ZSWIM6: variants seen among roughly 807,000 people sequenced by gnomAD.
ZSWIM6 encodes the protein zinc finger SWIM domain-containing protein 6.
In ZSWIM6, 9 loss-of-function variants were observed where a neutral mutation model predicts 113.2. The observed-to-expected ratio is 0.08, with a 90% CI of 0.05 to 0.14. The LOEUF is 0.14. Among genes scored for constraint, ZSWIM6 ranks in the 10% least tolerant of loss-of-function variants. The probability of loss-of-function intolerance (pLI) is 1.00; values close to 1 mark genes in which losing one functional copy is unlikely to be tolerated. For synonymous variants in ZSWIM6, 611 were observed against 606.5 expected, an observed-to-expected ratio of 1.01 and a Z score of -0.11; for missense variants, 1,162 against 1,552.2, an observed-to-expected ratio of 0.75 and a Z score of 4.22.
chr5:61,467,530 T>C (rs1323579880), intron 1 of ZSWIM6, among the ~76,000 whole-genome samples: 2 of 152,234 alleles, frequency 1.3e-5, no homozygotes, highest in African/African-American at 4.8e-5. Context: ...AATGTCTAGA[T>C]GTAAGTATTT....
chr5:61,499,868 C>T (rs904572612), intron 4 of ZSWIM6, among the ~76,000 whole-genome samples: 3 of 152,128 alleles, frequency 2.0e-5, no homozygotes, highest in Admixed American at 6.6e-5. Context: ...TAGTTGCCAA[C>T]ATTTATTTGT....
At chr5:61,406,904 T>G (rs1579979858) in intron 1 of ZSWIM6, among the ~76,000 whole-genome samples, 1 of 152,132 alleles carries the variant, frequency 6.6e-6, no homozygotes, top group African/African-American at 2.4e-5. Flanking sequence ...GTAGAGACGG[T>G]GTTTTGCCAT....
chr5:61,535,294 T>C (rs1009608661), intron 9 of ZSWIM6, among the ~76,000 whole-genome samples, 190 bp from the exon 10 acceptor site: 1 of 152,158 alleles, frequency 6.6e-6, no homozygotes, highest in Non-Finnish European at 1.5e-5. Flanking sequence ...GTTTATGAGG[T>C]GAAATCTGTA....
At chr5:61,519,149 G>T (rs1749042502) in intron 4 of ZSWIM6, among the ~76,000 whole-genome samples, 1 of 152,148 alleles carries the variant, frequency 6.6e-6, no homozygotes. Flanking sequence ...GGTAGATTCA[G>T]ACCATAAATT....
chr5:61,399,537 T>C, intron 1 of ZSWIM6, among the ~76,000 whole-genome samples: 1 of 152,178 alleles, frequency 6.6e-6, no homozygotes, highest in East Asian at 1.9e-4. Context: ...TTCATCTTCG[T>C]GTTCCTGAGG....
chr5:61,526,345 T>G lies in ZSWIM6; in HGVS notation c.1786T>G (p.Leu596Val). The change falls in exon 7 of 14, where the codon TTA (leucine) becomes GTA (valine). Residue 596 changes from leucine to valine, a missense_variant. Transcript: ENST00000252744. Reference protein sequence around the residue: ...LRLAIAIVNTLRRQQQKQLEM... With the variant: ...LRLAIAIVNTVRRQQQKQLEM... ...ACTAGCAATAGCTATTGTTAATACA[T>G]TAAGACGACAGCAGCAGAAACAGTT... The G allele has an allele frequency of 6.4e-7, 1 of 1,552,182 alleles. No individual in the cohort carries two copies. Among genetic ancestry groups the G allele is most frequent in the Non-Finnish European group, 8.7e-7 (1 of 1,147,068 alleles).
At chr5:61,363,027 C>G (rs1374913021) in intron 1 of ZSWIM6, among the ~76,000 whole-genome samples, 1 of 152,194 alleles carries the variant, frequency 6.6e-6, no homozygotes, top group African/African-American at 2.4e-5. Flanking sequence ...GGCCTATGAC[C>G]TCTTAGTGGT....
chr5:61,354,833 A>G (rs1403733639), intron 1 of ZSWIM6, among the ~76,000 whole-genome samples: 4 of 152,202 alleles, frequency 2.6e-5, no homozygotes, highest in Non-Finnish European at 5.9e-5. Flanking sequence ...CTCTGTATTC[A>G]GTGACTTATT....
At chr5:61,351,951 A>G (rs1279582813) in intron 1 of ZSWIM6, among the ~76,000 whole-genome samples, 2 of 152,182 alleles carry the variant, frequency 1.3e-5, no homozygotes, top group Non-Finnish European at 2.9e-5. Flanking sequence ...TAGAATCTAT[A>G]TTGCAGCCAG....
At chr5:61,451,205 G>T (rs554551396) in intron 1 of ZSWIM6, among the ~76,000 whole-genome samples, 1 of 152,156 alleles carries the variant, frequency 6.6e-6, no homozygotes, top group Non-Finnish European at 1.5e-5. Flanking sequence ...AGAAAGCCTG[G>T]CTAGGAAGCT....
At chr5:61,333,238 G>A (rs1744306507) in intron 1 of ZSWIM6, among the ~76,000 whole-genome samples, 1 of 151,876 alleles carries the variant, frequency 6.6e-6, no homozygotes, top group African/African-American at 2.4e-5. Context: ...GCCCTCCTCC[G>A]GGGAGCACAT....
intron 1 of ZSWIM6, among the ~76,000 whole-genome samples, chr5:61,367,605 A>T (rs561359438): frequency 1.3e-5 from 2 of 152,298 alleles, no homozygotes; most frequent in Non-Finnish European, 2.9e-5. Flanking sequence ...CTTTCTCAAG[A>T]TTGCATCTAC....
intron 1 of ZSWIM6, among the ~76,000 whole-genome samples, chr5:61,393,383 A>G (rs1219175284): frequency 6.6e-6 from 1 of 152,112 alleles, no homozygotes; most frequent in Non-Finnish European, 1.5e-5. Context: ...GTTTTTCACT[A>G]TTATGAACAA....
intron 1 of ZSWIM6, chr5:61,375,754 C>T (rs1367165493): frequency 2.8e-5 from 43 of 1,526,800 alleles, no homozygotes; most frequent in East Asian, 7.3e-5. Flanking sequence ...CAGTGAAGAA[C>T]GAGAAAAAGC....
intron 1 of ZSWIM6, among the ~76,000 whole-genome samples, chr5:61,387,978 C>T (rs1179213706): frequency 2.1e-5 from 3 of 143,346 alleles, no homozygotes; most frequent in African/African-American, 8.2e-5. Context: ...CCCTTTCTCT[C>T]TCTCTCTCTT....
chr5:61,466,843 C>T (rs1359679330), intron 1 of ZSWIM6, among the ~76,000 whole-genome samples: 1 of 151,882 alleles, frequency 6.6e-6, no homozygotes, highest in Non-Finnish European at 1.5e-5. Flanking sequence ...TAAAATTTAA[C>T]CTAAGATATG....
intron 1 of ZSWIM6, among the ~76,000 whole-genome samples, chr5:61,389,828 G>GAAT (rs1010246038): frequency 3.9e-5 from 6 of 152,320 alleles, no homozygotes; most frequent in Non-Finnish European, 8.8e-5. Context: ...GCTGGGCAGA[G>GAAT]AATAATTTCT....
At chr5:61,492,957 T>TA (rs1748219957) in intron 3 of ZSWIM6, among the ~76,000 whole-genome samples, 1 of 152,076 alleles carries the variant, frequency 6.6e-6, no homozygotes, top group Admixed American at 6.6e-5. Context: ...AGTAATTTCT[T>TA]ACGGGGAAAT....
chr5:61,469,773 C>A (rs1308326899), intron 1 of ZSWIM6, among the ~76,000 whole-genome samples: 4 of 151,990 alleles, frequency 2.6e-5, no homozygotes, highest in Non-Finnish European at 5.9e-5. Flanking sequence ...AATCTTGGCT[C>A]ACTGGCTCAC....
Sources: gnomAD v4.1 joint callset for allele counts (sites outside exome capture counted in the v4.1 genomes callset) on GRCh38, gnomAD v4.1.1 for gene constraint, MANE v1.5 for transcripts, NCBI Gene and HGNC (gene_info 2026-07-23, HGNC 2026-07-21) for gene names.